The following NFS1 variants were observed in gnomAD, a reference collection of about 807,000 sequenced individuals.
NFS1 encodes NFS1 cysteine desulfurase, also known as cysteine desulfurase.
Under a neutral mutation model 57.3 loss-of-function variants are expected in NFS1, and 26 were observed. The ratio of observed to expected loss-of-function variants is 0.45; its 90% CI spans 0.33 to 0.63. The LOEUF (loss-of-function observed/expected upper bound fraction) is 0.63, where lower values mean the gene tolerates loss of function less well. NFS1 is among the 20% of genes least tolerant of loss of function. The pLI, the probability that NFS1 is intolerant of heterozygous loss-of-function variation, is 0.02. For missense variants in NFS1, 505 were observed against 605.8 expected (o/e 0.83, Z 1.75); for synonymous variants, 209 against 216.3 (o/e 0.97, Z 0.30).
intron 7 of NFS1, among the ~76,000 whole-genome samples, chr20:35,677,464 A>C (rs542215959): frequency 6.6e-6 from 1 of 152,232 alleles, no homozygotes; most frequent in East Asian, 1.9e-4. Flanking sequence ...TGAGCCTAGG[A>C]GGTCGAGGCT....
rs2034607032 is a variant in NFS1 at position 35,668,855 on chromosome 20, A to C, written c.*767T>G. 3 of 152,318 alleles carry C rather than the reference A, an allele frequency of 2.0e-5. No individual in the cohort carries two copies. In the South Asian group the frequency reaches 6.2e-4, roughly 32 times the overall value. The allele number at this position is 152,318 out of a possible 1,614,324, so 9.4% of individuals were successfully genotyped here. A position where few individuals can be genotyped will look rare whatever the true frequency, so the allele number is the denominator to read the frequency against. ...ATTCAAATAATTCTTAAATGAAGAG[A>C]TACAAAAGCCCACTGAGTCATTTAT... is the stretch of plus-strand genomic sequence containing the variant. On this transcript the variant is annotated 3_prime_UTR_variant, in exon 13 of 13. Coordinates refer to ENST00000374092, the MANE Select transcript of NFS1 (RefSeq NM_021100.5).
intron 6 of NFS1, 99 bp from the exon 7 acceptor site, chr20:35,680,970 G>T: frequency 9.5e-7 from 1 of 1,055,906 alleles, no homozygotes; most frequent in Non-Finnish European, 1.3e-6. Context: ...TAAATGACCT[G>T]TAAATATTAA....
intron 11 of NFS1, among the ~76,000 whole-genome samples, 186 bp from the exon 12 acceptor site, chr20:35,673,030 G>C (rs2034683210): frequency 6.6e-6 from 1 of 152,220 alleles, no homozygotes; most frequent in African/African-American, 2.4e-5. Flanking sequence ...GCTCACGCCT[G>C]TAATTCCAAC....
chr20:35,682,356 A>C (rs531850157), intron 5 of NFS1, among the ~76,000 whole-genome samples: 7 of 152,234 alleles, frequency 4.6e-5, no homozygotes, highest in Non-Finnish European at 8.8e-5. Flanking sequence ...TAATACCAAA[A>C]ACCTAGAAAC....
At position 35,688,472 on chromosome 20, in the gene NFS1, G is replaced by A. The variant is rs570228770; in HGVS notation, c.561+1941C>T. Among the ~76,000 whole-genome samples the A allele has an allele frequency of 1.1e-4, 16 of 151,504 alleles. No homozygotes were observed. The East Asian group carries it at 1.6e-3, about 15-fold the overall frequency. ...CTCGGTAGGCTAAGGTGGGAGAATC[G>A]TTTGAACCCAGGAAGCAGTGGTTTC... On this transcript the variant is annotated intron_variant, in intron 5 of 12. Transcript: ENST00000374092.
intron 3 of NFS1, among the ~76,000 whole-genome samples, chr20:35,697,167 T>C (rs936567952): frequency 6.6e-6 from 1 of 150,510 alleles, no homozygotes; most frequent in Non-Finnish European, 1.5e-5. Context: ...CATGGTGGCG[T>C]GTGCCTGTAA....
At chr20:35,672,923 G>A in intron 11 of NFS1, 79 bp from the exon 12 acceptor site, 6 of 801,146 alleles carry the variant, frequency 7.5e-6, no homozygotes, top group Non-Finnish European at 1.2e-5. Flanking sequence ...TACTCACTAA[G>A]GATCTACGAC....
intron 12 of NFS1, among the ~76,000 whole-genome samples, chr20:35,670,814 C>A (rs2034640768): frequency 6.6e-6 from 1 of 152,182 alleles, no homozygotes; most frequent in Non-Finnish European, 1.5e-5. Context: ...AAGGGTCCTG[C>A]AGTTGAGCAA....
chr20:35,687,332 TTTCG>T (rs1228467595), intron 5 of NFS1, among the ~76,000 whole-genome samples: 1 of 152,210 alleles, frequency 6.6e-6, no homozygotes, highest in African/African-American at 2.4e-5. Context: ...GGCTCTGCCT[TTTCG>T]TTAGCAGTAG....
intron 3 of NFS1, among the ~76,000 whole-genome samples, chr20:35,697,297 T>C (rs986110308): frequency 6.9e-6 from 1 of 145,440 alleles, no homozygotes; most frequent in Non-Finnish European, 1.5e-5. Context: ...GAAAACTCCA[T>C]CTCATAAAAA....
At chr20:35,677,627 A>C (rs2034776266) in intron 7 of NFS1, among the ~76,000 whole-genome samples, 1 of 152,244 alleles carries the variant, frequency 6.6e-6, no homozygotes, top group African/African-American at 2.4e-5. Flanking sequence ...GAGCATGAGC[A>C]TGCAAAGTTA....
At chr20:35,691,035 G>A (rs972199654) in intron 4 of NFS1, among the ~76,000 whole-genome samples, 2 of 152,100 alleles carry the variant, frequency 1.3e-5, no homozygotes, top group African/African-American at 4.8e-5. Context: ...TGCTAATAAT[G>A]GCAGAAGGCT....
rs374358426 is a variant in NFS1, at chr20:35,698,745, C to T, written c.98-155G>A. On this transcript the variant is annotated intron_variant, in intron 1 of 12. Transcript: ENST00000374092. ...ATGGAAAGAAAACAACACCAGATACCTGACACGCTGTAAAAGGAGGTAAGG... is the reference window on the plus strand; with the variant it reads ...ATGGAAAGAAAACAACACCAGATACTTGACACGCTGTAAAAGGAGGTAAGG... 20 of 1,415,712 alleles carry T rather than the reference C, an allele frequency of 1.4e-5. No individual in the cohort carries two copies. In the African/African-American group the frequency reaches 1.9e-4, roughly 14 times the overall value. The allele number at this position is 1,415,712 out of a possible 1,614,324, so 87.7% of individuals were successfully genotyped here. A position where few individuals can be genotyped will look rare whatever the true frequency, so the allele number is the denominator to read the frequency against.
At chr20:35,680,198 G>C (rs572793298) in intron 7 of NFS1, among the ~76,000 whole-genome samples, 6 of 152,106 alleles carry the variant, frequency 3.9e-5, no homozygotes, top group Non-Finnish European at 7.4e-5. Flanking sequence ...CCAGCTACTC[G>C]GCAGGCTGAG....
chr20:35,680,287 T>C (rs1287451460), intron 7 of NFS1, among the ~76,000 whole-genome samples: 1 of 151,600 alleles, frequency 6.6e-6, no homozygotes, highest in African/African-American at 2.4e-5. Flanking sequence ...CCTGGGCGAC[T>C]GAGCGAGACT....
At chr20:35,679,029 C>G (rs1420425050) in intron 7 of NFS1, among the ~76,000 whole-genome samples, 1 of 152,152 alleles carries the variant, frequency 6.6e-6, no homozygotes, top group Admixed American at 6.5e-5. Flanking sequence ...GCCACATTAT[C>G]TAAATCTATT....
At chr20:35,673,527 AG>A in intron 11 of NFS1, 73 bp downstream of exon 11, 1 of 1,348,514 alleles carries the variant, frequency 7.4e-7, no homozygotes, top group Non-Finnish European at 1.1e-6. Flanking sequence ...GGGTGGAAAA[AG>A]AAAAAAACTG....
At chr20:35,678,503 G>C (rs1220707297) in intron 7 of NFS1, among the ~76,000 whole-genome samples, 5 of 150,998 alleles carry the variant, frequency 3.3e-5, no homozygotes, top group Non-Finnish European at 5.9e-5. Flanking sequence ...ACTCCAGCCT[G>C]GGGGACAAGA....
chr20:35,686,479 T>A lies in NFS1; in HGVS notation c.561+3934A>T, dbSNP rs1207733178. Among the ~76,000 whole-genome samples the A allele has an allele frequency of 2.0e-5, 3 of 152,022 alleles. No individual in the cohort carries two copies. In the East Asian group the frequency reaches 5.8e-4, roughly 29 times the overall value. ...AAACTGTGAATACATTAAAAGCCAG[T>A]GAATTGTATAATTTCAAAAGATGAA... is the stretch of plus-strand genomic sequence containing the variant. On this transcript the variant is annotated intron_variant, in intron 5 of 12. Transcript: ENST00000374092.
Sources: allele counts gnomAD v4.1 joint callset (sites outside exome capture counted in the v4.1 genomes callset), GRCh38; gene constraint gnomAD v4.1.1; transcripts MANE v1.5; gene names NCBI Gene and HGNC (gene_info 2026-07-23, HGNC 2026-07-21).